The following AGR3 variants were observed in gnomAD, a reference collection of about 807,000 sequenced individuals.
The protein encoded by AGR3 is anterior gradient protein 3.
AGR3 carries 37 observed loss-of-function variants against 24.5 expected under a neutral mutation model. That is an observed-to-expected ratio of 1.51 (90% CI 1.16 to 1.99). AGR3 has a LOEUF of 1.99. Among genes scored for constraint, AGR3 ranks in the 30% most tolerant of loss-of-function variants. The pLI is 0.00. For missense variants in AGR3, 228 were observed against 191.1 expected, an observed-to-expected ratio of 1.19 and a Z score of -1.14; for synonymous variants, 75 against 61.6, an observed-to-expected ratio of 1.22 and a Z score of -1.02.
chr7:16,876,452 C>A (rs1781988103), intron 2 of AGR3, among the ~76,000 whole-genome samples: 1 of 152,018 alleles, frequency 6.6e-6, no homozygotes, highest in African/African-American at 2.4e-5. Context: ...CCTGAACCTT[C>A]TTCTACCTTT....
chr7:16,880,112 C>CCCTTCCTTCCTTCCTTCT (rs746565246), intron 1 of AGR3, among the ~76,000 whole-genome samples: 1 of 136,846 alleles, frequency 7.3e-6, no homozygotes, highest in African/African-American at 2.9e-5. Flanking sequence ...TCCTTCTTTC[C>CCCTTCCTTCCTTCCTTCT]TTCCTTCCTT....
chr7:16,855,944 A>G (rs947299900), downstream of AGR3, among the ~76,000 whole-genome samples: 4 of 151,960 alleles, frequency 2.6e-5, no homozygotes, highest in Non-Finnish European at 4.4e-5. Context: ...ATCCCCTATA[A>G]TATACCTGAT....
chr7:16,879,082 A>T (rs1329041336), intron 1 of AGR3, among the ~76,000 whole-genome samples: 1 of 152,240 alleles, frequency 6.6e-6, no homozygotes, highest in Non-Finnish European at 1.5e-5. Flanking sequence ...TTTTAACTCT[A>T]TACTAAGATA....
At chr7:16,873,943 A>G (rs986860993) in intron 2 of AGR3, 100 bp from the exon 3 acceptor site, 3 of 918,168 alleles carry the variant, frequency 3.3e-6, no homozygotes, top group Non-Finnish European at 5.2e-6. Context: ...ATATTTAACT[A>G]AGCCATCAAG....
chr7:16,864,353 G>A, intron 3 of AGR3: 2 of 1,336,970 alleles, frequency 1.5e-6, no homozygotes, highest in Admixed American at 3.4e-5. Flanking sequence ...CTGGCAGGCA[G>A]TTCACTGGCA....
chr7:16,870,806 G>A (rs1781850276), intron 3 of AGR3, among the ~76,000 whole-genome samples: 1 of 152,016 alleles, frequency 6.6e-6, no homozygotes, highest in Non-Finnish European at 1.5e-5. Flanking sequence ...TATGTTGTTT[G>A]TTTGTTACAC....
At chr7:16,860,391 A>G (rs1186325045) in intron 7 of AGR3, 109 bp downstream of exon 7, 12 of 828,336 alleles carry the variant, frequency 1.4e-5, no homozygotes, top group Non-Finnish European at 2.0e-5. Context: ...CACCACCACT[A>G]GCCTCAGTGA....
At chr7:16,856,523 C>G (rs184847649), downstream of AGR3, among the ~76,000 whole-genome samples, 24 of 152,010 alleles carry the variant, frequency 1.6e-4, 1 homozygote, top group East Asian at 4.6e-3. Context: ...GTTGTTTATC[C>G]CTTATTTAAA....
intron 3 of AGR3, among the ~76,000 whole-genome samples, chr7:16,866,944 T>A (rs1781769228): frequency 6.6e-6 from 1 of 152,138 alleles, no homozygotes; most frequent in Non-Finnish European, 1.5e-5. Flanking sequence ...CTTTTTAGAC[T>A]TTTTCTTTTA....
At chr7:16,861,013 A>G (rs1394047185) in intron 6 of AGR3, among the ~76,000 whole-genome samples, 1 of 24,450 alleles carries the variant, frequency 4.1e-5, no homozygotes, top group Non-Finnish European at 1.2e-4. Context: ...ATGTCAAACC[A>G]ATTTATAATC....
chr7:16,866,400 A>C (rs568300043), intron 3 of AGR3: 1 of 285,096 alleles, frequency 3.5e-6, no homozygotes, highest in Non-Finnish European at 7.5e-6. Context: ...ACTGTCCCTG[A>C]AGATGCCAGG....
chr7:16,874,290 G>A (rs908157444), intron 2 of AGR3, among the ~76,000 whole-genome samples: 6 of 152,062 alleles, frequency 3.9e-5, no homozygotes, highest in Admixed American at 3.3e-4. Flanking sequence ...GTCAGTATAC[G>A]TTGTGAAATA....
downstream of AGR3, among the ~76,000 whole-genome samples, chr7:16,857,479 A>G (rs186031358): frequency 3.8e-3 from 586 of 152,322 alleles, 6 homozygotes; most frequent in Non-Finnish European, 6.8e-3. Flanking sequence ...AGTCCACTGC[A>G]AATAACTGCT....
chr7:16,862,476 G>A (rs932042180), intron 4 of AGR3, 134 bp downstream of exon 4: 5 of 473,078 alleles, frequency 1.1e-5, no homozygotes, highest in Non-Finnish European at 1.8e-5. Flanking sequence ...GTAAAATGAT[G>A]GTACTCTGGC....
intron 1 of AGR3, among the ~76,000 whole-genome samples, chr7:16,881,140 C>A (rs1782109816): frequency 6.6e-6 from 1 of 152,148 alleles, no homozygotes; most frequent in Admixed American, 6.5e-5. Flanking sequence ...CAGGTGGAAT[C>A]TGCATTTTAA....
At position 16,859,452 on chromosome 7, in the gene AGR3, A is replaced by G. The variant is rs777419839; in HGVS notation, c.*130T>C. The G allele has an allele frequency of 1.9e-5, 12 of 638,880 alleles. No individual in the cohort carries two copies. The highest frequency in any genetic ancestry group is 3.2e-5 in the Non-Finnish European group (12 of 370,810). The allele number at this position is 638,880 out of a possible 1,614,324, so 39.6% of individuals were successfully genotyped here. The stretch of plus-strand genomic sequence containing the variant: ...ATTTATTTTAATAAGACTATTGCAA[A>G]CACATTAAAAAAACTAAATAGTAAT... On this transcript the variant is annotated 3_prime_UTR_variant, in exon 8 of 8. Transcript: ENST00000310398.
intron 6 of AGR3, 126 bp from the exon 7 acceptor site, chr7:16,860,709 G>T: frequency 4.7e-6 from 3 of 642,144 alleles, no homozygotes; most frequent in Non-Finnish European, 5.3e-6. Context: ...CAGATATATT[G>T]TGTGATGCTG....
intron 3 of AGR3, among the ~76,000 whole-genome samples, chr7:16,870,169 C>T (rs1164731985): frequency 2.6e-5 from 4 of 151,592 alleles, no homozygotes; most frequent in African/African-American, 9.7e-5. Context: ...GGGGTATTTT[C>T]TTTTTTGTCA....
At chr7:16,877,659 C>A (rs1032417245) in intron 2 of AGR3, among the ~76,000 whole-genome samples, 1 of 151,722 alleles carries the variant, frequency 6.6e-6, no homozygotes. Context: ...GTCAGGAGAT[C>A]GAGACCATCC....
Sources: gnomAD v4.1 joint callset for allele counts (sites outside exome capture counted in the v4.1 genomes callset) on GRCh38, gnomAD v4.1.1 for gene constraint, MANE v1.5 for transcripts, NCBI Gene and HGNC (gene_info 2026-07-23, HGNC 2026-07-21) for gene names.